Variants in SLC12A6 observed in about 807,000 individuals in gnomAD.
SLC12A6 encodes the protein K-Cl cotransporter 3.
A neutral mutation model predicts 135.3 loss-of-function variants in SLC12A6; 66 were observed. The ratio of observed to expected loss-of-function variants is 0.49; its 90% confidence interval spans 0.40 to 0.60. The LOEUF is 0.60. SLC12A6 is among the 20% of genes least tolerant of loss of function. The pLI is 0.00. For synonymous variants in SLC12A6, 513 were observed against 508.8 expected (o/e 1.01, Z -0.11); for missense variants, 1,058 against 1,452.3 (o/e 0.73, Z 4.41).
At chr15:34,274,997 C>T (rs1894202029) in intron 3 of SLC12A6, among the ~76,000 whole-genome samples, 1 of 151,598 alleles carries the variant, frequency 6.6e-6, no homozygotes, top group South Asian at 2.1e-4. Context: ...ATCAAAAGGC[C>T]AAGAAAAGTA....
intron 13 of SLC12A6, among the ~76,000 whole-genome samples, chr15:34,246,607 CACA>C (rs1892007153): frequency 6.6e-6 from 1 of 151,736 alleles, no homozygotes; most frequent in Non-Finnish European, 1.5e-5. Flanking sequence ...CATCTTTATG[CACA>C]TATCTACATT....
At chr15:34,261,085 A>C (rs913083522) in intron 3 of SLC12A6, 65 bp from the exon 4 acceptor site, 31 of 839,118 alleles carry the variant, frequency 3.7e-5, no homozygotes, top group Non-Finnish European at 6.5e-5. Flanking sequence ...CATCAGCACC[A>C]GATAAGTGCA....
At chr15:34,282,045 T>C (rs1019340450) in intron 2 of SLC12A6, among the ~76,000 whole-genome samples, 3 of 152,170 alleles carry the variant, frequency 2.0e-5, no homozygotes, top group African/African-American at 7.2e-5. Context: ...GTCCACACCA[T>C]CTGCTACATA....
intron 2 of SLC12A6, among the ~76,000 whole-genome samples, chr15:34,315,874 G>C (rs1446276263): frequency 2.0e-5 from 3 of 152,112 alleles, no homozygotes; most frequent in East Asian, 3.8e-4. Flanking sequence ...AGGAGGTGGA[G>C]GTTGCAGCGA....
At position 34,290,455 on chromosome 15, in the gene SLC12A6, G is replaced by A. The variant is rs552402711; in HGVS notation, c.272-15066C>T. On this transcript the variant is annotated intron_variant, in intron 2 of 25. Transcript: ENST00000354181. ...TGGTGCTGAGAAGAATGTATATTCC[G>A]TTGATTTGGGGTGGAGAGTTCTGTA... 2.2e-3 allele frequency among the ~76,000 whole-genome samples: 330 copies of A among 152,300 alleles called. 1 individual carries two copies. Among genetic ancestry groups the A allele is most frequent in the African/African-American group, 7.4e-3 (307 of 41,564 alleles).
Position 34,310,174 on chromosome 15 carries a change from A to AGTGTGTGTGTGT in SLC12A6, c.271+26224_271+26235dup, listed in dbSNP as rs60783164. ...CAGGCACACAACACCACGCCCAGCT[A>AGTGTGTGTGTGT]GTGTGTGTGTGTGTGTGTGTGTGTG... On this transcript the variant is annotated intron_variant, in intron 2 of 25. Coordinates refer to ENST00000354181, the MANE Select transcript of SLC12A6 (RefSeq NM_001365088.1). 2.7e-3 allele frequency among the ~76,000 whole-genome samples: 348 copies of AGTGTGTGTGTGT among 127,790 alleles called. 4 individuals are homozygous for AGTGTGTGTGTGT. The highest frequency in any genetic ancestry group is 9.3e-3 in the African/African-American group (276 of 29,624). 83.8% of individuals were successfully genotyped at this position (127,790 alleles called of 152,430 possible).
intron 3 of SLC12A6, among the ~76,000 whole-genome samples, chr15:34,274,821 A>G (rs995015948): frequency 2.0e-5 from 3 of 152,136 alleles, no homozygotes; most frequent in Admixed American, 1.3e-4. Context: ...CAAAAAAAAA[A>G]AGAGAAATTC....
chr15:34,263,028 C>T (rs1386012704), intron 3 of SLC12A6, among the ~76,000 whole-genome samples: 2 of 152,178 alleles, frequency 1.3e-5, no homozygotes, highest in African/African-American at 2.4e-5. Flanking sequence ...ATGCTTCCTA[C>T]TTGGGTGAAA....
intron 20 of SLC12A6, 139 bp from the exon 21 acceptor site, chr15:34,238,540 C>G (rs1012966206): frequency 1.4e-6 from 1 of 715,826 alleles, no homozygotes; most frequent in Non-Finnish European, 2.5e-6. Context: ...TTTCTCATTA[C>G]GTATCAAAAA....
intron 2 of SLC12A6, among the ~76,000 whole-genome samples, chr15:34,326,537 T>C (rs1595579103): frequency 3.9e-5 from 6 of 152,336 alleles, no homozygotes; most frequent in African/African-American, 1.4e-4. Flanking sequence ...GAATGATTAA[T>C]GTAACTAAAT....
Position 34,232,129 on chromosome 15 carries a change from G to C in SLC12A6, c.*1752C>G, listed in dbSNP as rs1890991815. 1 of 152,170 alleles carries C rather than the reference G, an allele frequency of 6.6e-6. No individual in the cohort carries two copies. Among genetic ancestry groups the C allele is most frequent in the African/African-American group, 2.4e-5 (1 of 41,438 alleles). The allele number at this position is 152,170 out of a possible 1,614,324, so 9.4% of individuals were successfully genotyped here. A position where few individuals can be genotyped will look rare whatever the true frequency, so the allele number is the denominator to read the frequency against. On this transcript the variant is annotated 3_prime_UTR_variant, in exon 26 of 26. Transcript: ENST00000354181. The stretch of plus-strand genomic sequence containing the variant: ...AAGATTTCACATACTTGAAATTACT[G>C]CTCAGCCAGCCACATAAGTAGTTTC...
chr15:34,304,297 T>G (rs1406298820), intron 2 of SLC12A6, among the ~76,000 whole-genome samples: 1 of 152,216 alleles, frequency 6.6e-6, no homozygotes, highest in Non-Finnish European at 1.5e-5. Flanking sequence ...CTATATCACA[T>G]TTTATCTATT....
At chr15:34,315,233 T>C (rs1888555191) in intron 2 of SLC12A6, among the ~76,000 whole-genome samples, 1 of 152,152 alleles carries the variant, frequency 6.6e-6, no homozygotes, top group East Asian at 1.9e-4. Context: ...TACAGAGAAA[T>C]CTTTCATAAA....
rs373208686 is a variant in SLC12A6 at position 34,287,675 on chromosome 15, T to A, written c.272-12286A>T. On this transcript the variant is annotated intron_variant, in intron 2 of 25. Coordinates refer to ENST00000354181, the MANE Select transcript of SLC12A6 (RefSeq NM_001365088.1). ...ACTTTTTAATGGTTGCCATTCTAAC[T>A]GGTGTGAGATGGTATCTCACTGTGG... is the stretch of plus-strand genomic sequence containing the variant. 5.3e-5 allele frequency among the ~76,000 whole-genome samples: 8 copies of A among 152,342 alleles called. No individual in the cohort carries two copies. The East Asian group carries it at 9.6e-4, about 18-fold the overall frequency.
chr15:34,336,084 C>T (rs1213840695), intron 2 of SLC12A6, among the ~76,000 whole-genome samples: 1 of 152,200 alleles, frequency 6.6e-6, no homozygotes, highest in Non-Finnish European at 1.5e-5. Context: ...ATTTAGGATT[C>T]TGTGTGCTGA....
intron 16 of SLC12A6, among the ~76,000 whole-genome samples, chr15:34,243,656 C>A (rs941273337): frequency 2.2e-4 from 33 of 152,206 alleles, no homozygotes; most frequent in African/African-American, 8.0e-4. Flanking sequence ...TTTAGAACCT[C>A]TGACTCTGTA....
At chr15:34,303,525 A>T (rs1447605337) in intron 2 of SLC12A6, among the ~76,000 whole-genome samples, 2 of 151,782 alleles carry the variant, frequency 1.3e-5, no homozygotes, top group South Asian at 2.1e-4. Context: ...GTTCCTCTTT[A>T]AAAAAAATAC....
chr15:34,271,602 T>TACACAC (rs10588100), intron 3 of SLC12A6, among the ~76,000 whole-genome samples: 1,496 of 148,916 alleles, frequency 0.01, 17 homozygotes, highest in African/African-American at 0.033. Context: ...AGTGCAAAGC[T>TACACAC]ACACACACAC....
chr15:34,301,417 A>G (rs1896248812), intron 2 of SLC12A6, among the ~76,000 whole-genome samples: 1 of 152,236 alleles, frequency 6.6e-6, no homozygotes, highest in Non-Finnish European at 1.5e-5. Flanking sequence ...AAGCCAATGG[A>G]AAGAGAAAGC....
Sources: allele counts gnomAD v4.1 joint callset (sites outside exome capture counted in the v4.1 genomes callset), GRCh38; gene constraint gnomAD v4.1.1; transcripts MANE v1.5; gene names NCBI Gene and HGNC (gene_info 2026-07-23, HGNC 2026-07-21).